CALN1: variants seen among roughly 807,000 people sequenced by gnomAD.
The protein encoded by CALN1 is calcium-binding protein 8.
In CALN1, 17 loss-of-function variants were observed where a neutral mutation model predicts 30.6. The ratio of observed to expected loss-of-function variants is 0.56; its 90% CI spans 0.38 to 0.83. The LOEUF (loss-of-function observed/expected upper bound fraction) is 0.83, where lower values mean the gene tolerates loss of function less well. Ranked by LOEUF, CALN1 falls within the 40% of genes least tolerant of loss-of-function variation. The pLI, the probability that CALN1 is intolerant of heterozygous loss-of-function variation, is 0.00. For synonymous variants in CALN1, 156 were observed against 131.4 expected (o/e 1.19, Z -1.28); for missense variants, 291 against 354.9 (o/e 0.82, Z 1.45).
At chr7:72,006,447 A>G (rs1011939443) in intron 5 of CALN1, among the ~76,000 whole-genome samples, 1 of 152,240 alleles carries the variant, frequency 6.6e-6, no homozygotes, top group Non-Finnish European at 1.5e-5. Context: ...ACTGTGAACA[A>G]GCAACAGTTA....
At chr7:72,138,287 ATT>A (rs201085340) in intron 3 of CALN1, among the ~76,000 whole-genome samples, 1 of 149,072 alleles carries the variant, frequency 6.7e-6, no homozygotes, top group African/African-American at 2.5e-5. Flanking sequence ...TTTATTTTGG[ATT>A]TTTTTTTTTA....
At chr7:71,960,003 G>A (rs922331428) in intron 5 of CALN1, among the ~76,000 whole-genome samples, 1 of 151,506 alleles carries the variant, frequency 6.6e-6, no homozygotes, top group South Asian at 2.1e-4. Context: ...GCGTGGTGGC[G>A]GGCACCTGTA....
intron 5 of CALN1, among the ~76,000 whole-genome samples, chr7:71,838,694 G>A (rs894294264): frequency 1.3e-5 from 2 of 152,296 alleles, no homozygotes; most frequent in African/African-American, 2.4e-5. Flanking sequence ...AATCATGGGG[G>A]AGGTTACCCC....
chr7:72,441,259 A>G (rs1349958898), intron 1 of CALN1, among the ~76,000 whole-genome samples: 1 of 152,114 alleles, frequency 6.6e-6, no homozygotes, highest in Non-Finnish European at 1.5e-5. Flanking sequence ...GAGCAGACCT[A>G]CAGGGAGGTG....
chr7:71,914,576 G>C (rs540229460), intron 5 of CALN1, among the ~76,000 whole-genome samples: 1 of 152,222 alleles, frequency 6.6e-6, no homozygotes, highest in South Asian at 2.1e-4. Context: ...TAATGGGATT[G>C]CTGGGTCAAA....
chr7:72,182,485 C>T (rs1007486544), intron 3 of CALN1, among the ~76,000 whole-genome samples: 3 of 152,002 alleles, frequency 2.0e-5, no homozygotes, highest in South Asian at 2.1e-4. Context: ...TTTAGGAGGC[C>T]GAGAAGAGCA....
intron 6 of CALN1, among the ~76,000 whole-genome samples, chr7:71,790,848 G>T (rs1224921832): frequency 6.6e-6 from 1 of 152,204 alleles, no homozygotes; most frequent in Non-Finnish European, 1.5e-5. Context: ...GTAGGATGGA[G>T]CTGCCGGGGA....
At chr7:72,210,851 G>T (rs754698419) in intron 3 of CALN1, among the ~76,000 whole-genome samples, 6 of 151,710 alleles carry the variant, frequency 4.0e-5, no homozygotes, top group African/African-American at 9.7e-5. Context: ...AGGAGTTCAA[G>T]ACCAGCCTGG....
At chr7:72,295,071 C>T (rs1242560617) in intron 2 of CALN1, among the ~76,000 whole-genome samples, 4 of 152,084 alleles carry the variant, frequency 2.6e-5, no homozygotes, top group Admixed American at 6.5e-5. Flanking sequence ...GTATACTGGG[C>T]AGATGATGGG....
intron 2 of CALN1, among the ~76,000 whole-genome samples, chr7:72,321,266 T>C (rs1037519740): frequency 6.6e-5 from 10 of 152,198 alleles, no homozygotes; most frequent in African/African-American, 9.6e-5. Flanking sequence ...ACCGTCCCTG[T>C]CGACACTGAC....
chr7:72,306,549 T>A (rs1205742059), intron 2 of CALN1, among the ~76,000 whole-genome samples: 1 of 151,922 alleles, frequency 6.6e-6, no homozygotes, highest in East Asian at 1.9e-4. Flanking sequence ...CCACCTGGCC[T>A]TCCAATCTGT....
chr7:72,411,489 A>C (rs1476588380), intron 1 of CALN1, among the ~76,000 whole-genome samples: 5 of 152,042 alleles, frequency 3.3e-5, no homozygotes, highest in Non-Finnish European at 5.9e-5. Flanking sequence ...ATCACTGTGA[A>C]CTCAATTTAT....
chr7:72,415,719 C>T (rs576286262), upstream of CALN1, among the ~76,000 whole-genome samples: 104 of 152,326 alleles, frequency 6.8e-4, no homozygotes, highest in Middle Eastern at 3.4e-3. Flanking sequence ...TGGGAAAATG[C>T]TGGAAGCCTG....
intron 3 of CALN1, among the ~76,000 whole-genome samples, chr7:72,171,134 G>C (rs994165658): frequency 5.3e-5 from 8 of 152,012 alleles, no homozygotes; most frequent in Non-Finnish European, 1.0e-4. Flanking sequence ...CTCCAGCCTG[G>C]GTGACAGAGT....
At chr7:71,939,775 G>A (rs1796027892) in intron 5 of CALN1, among the ~76,000 whole-genome samples, 1 of 152,116 alleles carries the variant, frequency 6.6e-6, no homozygotes, top group African/African-American at 2.4e-5. Flanking sequence ...TAAGGACACA[G>A]AGGATACCTA....
chr7:72,002,102 T>C (rs1202549398), intron 5 of CALN1, among the ~76,000 whole-genome samples: 1 of 152,188 alleles, frequency 6.6e-6, no homozygotes, highest in African/African-American at 2.4e-5. Flanking sequence ...AATTGAATGC[T>C]TTCTCTATAA....
At chr7:72,290,737 C>T (rs766876574) in intron 2 of CALN1, among the ~76,000 whole-genome samples, 2 of 152,080 alleles carry the variant, frequency 1.3e-5, no homozygotes, top group Non-Finnish European at 2.9e-5. Context: ...AAATTATTTG[C>T]AAATTTGTAC....
chr7:71,873,747 C>A (rs916710657), intron 5 of CALN1, among the ~76,000 whole-genome samples: 7 of 152,200 alleles, frequency 4.6e-5, no homozygotes, highest in Non-Finnish European at 8.8e-5. Context: ...GAGTTTGAGA[C>A]CCACTGTGCT....
chr7:71,798,123 CAGAGAGAGAGAGAG>C (rs3973907), intron 6 of CALN1, among the ~76,000 whole-genome samples: 896 of 71,040 alleles, frequency 0.013, 10 homozygotes, highest in Admixed American at 0.023. Context: ...GAGACAGAGA[CAGAGAGAGAGAGAG>C]AGAGAGAGAG....
Sources: allele counts gnomAD v4.1 joint callset (sites outside exome capture counted in the v4.1 genomes callset), GRCh38; gene constraint gnomAD v4.1.1; transcripts MANE v1.5; gene names NCBI Gene and HGNC (gene_info 2026-07-23, HGNC 2026-07-21).